The following CEP164 variants were observed in gnomAD, a reference collection of about 807,000 sequenced individuals.
CEP164 encodes centrosomal protein 164.
A neutral mutation model predicts 182.7 loss-of-function variants in CEP164; 162 were observed. The ratio of observed to expected loss-of-function variants is 0.89; its 90% CI spans 0.78 to 1.01. The LOEUF is 1.01. Among genes scored for constraint, CEP164 ranks in the 50% least tolerant of loss-of-function variants. CEP164 has a pLI of 0.00. For synonymous variants in CEP164, 661 were observed against 690.0 expected (o/e 0.96, Z 0.66); for missense variants, 1,735 against 1,790.4 (o/e 0.97, Z 0.56).
intron 14 of CEP164, chr11:117,385,631 G>A (rs1309514451): frequency 6.6e-6 from 1 of 152,334 alleles, no homozygotes; most frequent in East Asian, 1.9e-4. Flanking sequence ...TTGGAAATGA[G>A]TTGGAGGGTT....
At chr11:117,323,994 A>C (rs2035342008), upstream of CEP164, 1 of 248,000 alleles carries the variant, frequency 4.0e-6, no homozygotes, top group Admixed American at 4.7e-5. Flanking sequence ...AAAAGTTCTA[A>C]TAGTGGTTTC....
chr11:117,373,363 G>T (rs1040932659), intron 9 of CEP164, among the ~76,000 whole-genome samples: 18 of 141,860 alleles, frequency 1.3e-4, no homozygotes, highest in African/African-American at 4.4e-4. Context: ...CTCCATCTCG[G>T]AAAAAAAAAA....
chr11:117,394,783 T>C lies in CEP164; in HGVS notation c.2761-137T>C. ...AAGGTGTGGAGCCTTCCTGGGAGGC[T>C]GCAGGGGCACACAGCGAGGAAGCCT... On this transcript the variant is annotated intron_variant, in intron 21 of 32. Coordinates refer to ENST00000278935, the MANE Select transcript of CEP164 (RefSeq NM_014956.5). The surrounding 1 kb of genome is among the most constrained non-coding windows in gnomAD (Gnocchi z 4.0). The C allele has an allele frequency of 2.0e-6, 2 of 977,364 alleles. No homozygotes were observed. Among genetic ancestry groups the C allele is most frequent in the Non-Finnish European group, 3.1e-6 (2 of 638,648 alleles). The allele number at this position is 977,364 out of a possible 1,614,324, so 60.5% of individuals were successfully genotyped here.
intron 4 of CEP164, among the ~76,000 whole-genome samples, chr11:117,350,657 G>C (rs1592088911): frequency 6.6e-6 from 1 of 152,044 alleles, no homozygotes; most frequent in African/African-American, 2.4e-5. Flanking sequence ...CAGCTTGTCA[G>C]ATTTCATAAG....
At chr11:117,324,000 G>T, upstream of CEP164, 1 of 233,842 alleles carries the variant, frequency 4.3e-6, no homozygotes, top group Non-Finnish European at 9.2e-6. Context: ...TCTAATAGTG[G>T]TTTCTGACCT....
chr11:117,405,496 G>A (rs1309075821), intron 27 of CEP164, among the ~76,000 whole-genome samples: 1 of 152,110 alleles, frequency 6.6e-6, no homozygotes, highest in Non-Finnish European at 1.5e-5. Flanking sequence ...TGTCTAACCA[G>A]CCCCAATGAG....
chr11:117,410,358 A>G (rs930308652), intron 30 of CEP164: 1 of 310,790 alleles, frequency 3.2e-6, no homozygotes, highest in African/African-American at 2.1e-5. Context: ...TTAGTTCTTA[A>G]TTCTCTGAGG....
intron 8 of CEP164, among the ~76,000 whole-genome samples, chr11:117,368,628 G>A (rs2041899003): frequency 1.3e-5 from 2 of 152,120 alleles, no homozygotes; most frequent in African/African-American, 4.8e-5. Flanking sequence ...CGAGTGAGGG[G>A]GTGTGGTTGG....
At chr11:117,365,306 C>T (rs146780978) in intron 8 of CEP164, among the ~76,000 whole-genome samples, 21 of 152,318 alleles carry the variant, frequency 1.4e-4, no homozygotes, top group Non-Finnish European at 2.1e-4. Context: ...GTTCAACAAT[C>T]GAGAGAGTGA....
intron 4 of CEP164, among the ~76,000 whole-genome samples, chr11:117,351,586 A>C (rs1202126368): frequency 6.6e-6 from 1 of 152,122 alleles, no homozygotes; most frequent in Non-Finnish European, 1.5e-5. Flanking sequence ...ACTCCTTCTT[A>C]GCCAAATGGT....
At chr11:117,360,370 G>C (rs1348005841) in intron 5 of CEP164, among the ~76,000 whole-genome samples, 2 of 152,078 alleles carry the variant, frequency 1.3e-5, no homozygotes, top group Non-Finnish European at 2.9e-5. Flanking sequence ...GTGTCTCACT[G>C]TGTTGCCTAG....
chr11:117,377,220 T>C (rs945079019), intron 11 of CEP164, among the ~76,000 whole-genome samples: 1 of 152,164 alleles, frequency 6.6e-6, no homozygotes, highest in Non-Finnish European at 1.5e-5. Flanking sequence ...CATTAGATTC[T>C]CATGAGGAGT....
At chr11:117,377,597 T>C (rs1054997806) in intron 11 of CEP164, among the ~76,000 whole-genome samples, 1 of 152,200 alleles carries the variant, frequency 6.6e-6, no homozygotes, top group Non-Finnish European at 1.5e-5. Context: ...CATCTTCTGT[T>C]CTTCCTGTGC....
rs2047436493 is a variant in CEP164, at chr11:117,412,202, C to G, written c.*34C>G. 1.3e-6 allele frequency: 2 copies of G among 1,582,510 alleles called. No homozygotes were observed. Among genetic ancestry groups the G allele is most frequent in the Non-Finnish European group, 1.7e-6 (2 of 1,156,298 alleles). ...GCAGGGGCTTGGGGCAGCCCAGCCT[C>G]TCCTCCACCCAGACCAAGTGCCTGA... On this transcript the variant is annotated 3_prime_UTR_variant, in exon 33 of 33. Coordinates refer to ENST00000278935, the MANE Select transcript of CEP164 (RefSeq NM_014956.5).
intron 1 of CEP164, among the ~76,000 whole-genome samples, chr11:117,330,259 G>A (rs1266494005): frequency 6.6e-6 from 1 of 152,046 alleles, no homozygotes; most frequent in Non-Finnish European, 1.5e-5. Flanking sequence ...ATGTGTTTAC[G>A]TGTTTGGCTT....
chr11:117,339,514 TGTTTTTTG>T (rs1232357572), intron 3 of CEP164, among the ~76,000 whole-genome samples: 21 of 100,198 alleles, frequency 2.1e-4, no homozygotes, highest in Middle Eastern at 6.0e-3. Context: ...CCTTTTCCTT[TGTTTTTTG>T]TTTTTTTTTT....
intron 28 of CEP164, chr11:117,408,457 A>G: frequency 4.1e-6 from 1 of 243,122 alleles, no homozygotes; most frequent in South Asian, 6.5e-5. Context: ...GTAACACTGC[A>G]GGGAGAGCTT....
chr11:117,329,185 C>CT (rs2035803322), intron 1 of CEP164, among the ~76,000 whole-genome samples: 1 of 151,672 alleles, frequency 6.6e-6, no homozygotes, highest in African/African-American at 2.4e-5. Context: ...CAGCCTCGAA[C>CT]TCTTGCCCTC....
intron 27 of CEP164, among the ~76,000 whole-genome samples, chr11:117,406,555 T>C (rs1462007176): frequency 2.0e-5 from 3 of 152,244 alleles, no homozygotes; most frequent in African/African-American, 4.8e-5. Flanking sequence ...TTTAGTACTT[T>C]CAAACCTTTC....
Sources: allele counts gnomAD v4.1 joint callset (sites outside exome capture counted in the v4.1 genomes callset), GRCh38; gene constraint gnomAD v4.1.1; non-coding constraint Gnocchi (gnomAD v3.1); transcripts MANE v1.5; gene names NCBI Gene and HGNC (gene_info 2026-07-23, HGNC 2026-07-21).